FNDC3A: variants seen among roughly 807,000 people sequenced by gnomAD.
FNDC3A encodes fibronectin type III domain containing 3A.
Under a neutral mutation model 148.9 loss-of-function variants are expected in FNDC3A, and 32 were observed. The ratio of observed to expected loss-of-function variants is 0.21; its 90% CI spans 0.16 to 0.29. The LOEUF is 0.29. FNDC3A is among the 10% of genes least tolerant of loss of function. The pLI is 1.00. For missense variants in FNDC3A, 1,191 were observed against 1,452.8 expected, an observed-to-expected ratio of 0.82 and a Z score of 2.93; for synonymous variants, 472 against 473.6, an observed-to-expected ratio of 1.00 and a Z score of 0.04.
intron 4 of FNDC3A, among the ~76,000 whole-genome samples, chr13:49,127,522 T>C (rs558359835): frequency 1.3e-5 from 2 of 152,356 alleles, no homozygotes; most frequent in South Asian, 4.1e-4. Flanking sequence ...GTCTTCCTCT[T>C]GTTTGACCTA....
At chr13:49,084,071 G>C (rs1405948642) in intron 3 of FNDC3A, among the ~76,000 whole-genome samples, 1 of 152,176 alleles carries the variant, frequency 6.6e-6, no homozygotes, top group East Asian at 1.9e-4. Flanking sequence ...CCTATAAATA[G>C]TATATCAACT....
intron 2 of FNDC3A, among the ~76,000 whole-genome samples, chr13:49,041,826 A>AG (rs1403326066): frequency 1.3e-5 from 2 of 151,964 alleles, no homozygotes; most frequent in African/African-American, 4.8e-5. Context: ...AAAAAAAAAA[A>AG]AAAAGAAAAG....
At chr13:49,189,164 AT>A (rs796199280) in intron 17 of FNDC3A, among the ~76,000 whole-genome samples, 401 of 108,352 alleles carry the variant, frequency 3.7e-3, no homozygotes, top group Middle Eastern at 0.012. Context: ...TTAATGAGTG[AT>A]TTTTTTTTTT....
At chr13:49,093,429 G>A (rs116328955) in intron 3 of FNDC3A, among the ~76,000 whole-genome samples, 51 of 152,212 alleles carry the variant, frequency 3.4e-4, no homozygotes, top group African/African-American at 1.2e-3. Context: ...GTTATCGAAC[G>A]ATCCCTGTAC....
chr13:49,113,155 C>T (rs750283886), intron 3 of FNDC3A, among the ~76,000 whole-genome samples: 1 of 150,926 alleles, frequency 6.6e-6, no homozygotes, highest in Non-Finnish European at 1.5e-5. Context: ...CTTCACTCTC[C>T]TTTACTGCCT....
chr13:49,205,226 T>C (rs186713089), intron 25 of FNDC3A, among the ~76,000 whole-genome samples: 3 of 152,298 alleles, frequency 2.0e-5, no homozygotes, highest in Non-Finnish European at 4.4e-5. Context: ...CCTCATGCCA[T>C]TTGTTGAGGT....
At chr13:49,201,315 G>A in intron 23 of FNDC3A, 1 of 160,204 alleles carries the variant, frequency 6.2e-6, no homozygotes, top group Non-Finnish European at 1.4e-5. Flanking sequence ...ATCTGCCTGG[G>A]AATTGAGAAT....
At chr13:48,999,060 C>G (rs894022694) in intron 1 of FNDC3A, among the ~76,000 whole-genome samples, 4 of 152,218 alleles carry the variant, frequency 2.6e-5, no homozygotes, top group Admixed American at 1.3e-4. Context: ...CTGCTTCCAC[C>G]TCAGCTTTAA....
At chr13:49,110,777 A>T (rs1032605005) in intron 3 of FNDC3A, among the ~76,000 whole-genome samples, 19 of 151,712 alleles carry the variant, frequency 1.3e-4, no homozygotes, top group East Asian at 5.8e-4. Flanking sequence ...AATTTTATTT[A>T]AAAAAAACCT....
chr13:49,097,926 A>C (rs191660619), intron 3 of FNDC3A, among the ~76,000 whole-genome samples: 4 of 152,106 alleles, frequency 2.6e-5, no homozygotes, highest in Admixed American at 2.0e-4. Flanking sequence ...TAGTGCTCCA[A>C]ATCTGAATCA....
rs1171445745 is a variant in FNDC3A, at chr13:49,111,587, G to A, written c.176-3068G>A. Reference sequence around the variant, plus strand: ...CTAAAAATACAAAAATTAGCCGGGCGTGGTGGCACATGCATGTAATCCCAG... The same window carrying A: ...CTAAAAATACAAAAATTAGCCGGGCATGGTGGCACATGCATGTAATCCCAG... On this transcript the variant is annotated intron_variant, in intron 3 of 25. Transcript: ENST00000492622. Among the ~76,000 whole-genome samples, 6 of 152,052 alleles carry A rather than the reference G, an allele frequency of 3.9e-5. No individual in the cohort carries two copies. The East Asian group carries it at 9.7e-4, about 25-fold the overall frequency.
rs1886761454 is a variant in FNDC3A, at chr13:49,208,651, A to G, written c.*1256A>G. On this transcript the variant is annotated 3_prime_UTR_variant, in exon 26 of 26. Coordinates refer to ENST00000492622, the MANE Select transcript of FNDC3A (RefSeq NM_001079673.2). ...CAGACTGAATTTTGTCAAGTATCACATTGTACATCTTGCCTAGATGTCGAT... is the reference window on the plus strand; with the variant it reads ...CAGACTGAATTTTGTCAAGTATCACGTTGTACATCTTGCCTAGATGTCGAT... 6.6e-6 allele frequency: 1 copy of G among 152,654 alleles called. No individual in the cohort carries two copies. The highest frequency in any genetic ancestry group is 6.5e-5 in the Admixed American group (1 of 15,284). The allele number at this position is 152,654 out of a possible 1,614,324, so 9.5% of individuals were successfully genotyped here. A position where few individuals can be genotyped will look rare whatever the true frequency, so the allele number is the denominator to read the frequency against.
In FNDC3A at chr13:49,196,938, A is replaced by G. The variant is rs200238488; in HGVS notation, c.2288A>G (p.Lys763Arg). 167 of 1,612,748 alleles carry G rather than the reference A, an allele frequency of 1.0e-4. 1 individual carries two copies. Among genetic ancestry groups the G allele is most frequent in the Non-Finnish European group, 1.3e-4 (157 of 1,179,600 alleles). Residue 763 changes from lysine to arginine, a missense_variant, in exon 20 of 26, where the codon AAG becomes AGG. Physicochemically the swap from Lys to Arg is conservative, Grantham distance 26 (BLOSUM62 2). Around this residue, in one of 3 missense-constraint regions of FNDC3A, gnomAD observed 751 missense variants for 944.0 expected, o/e 0.80. Transcript: ENST00000492622. ...GCCCCTGGGCCACCAGATCAGTGCA[A>G]GCCCCCTCAAGTGACATGTAGATCT... ...TTAPGPPDQC[K>R]PPQVTCRSAT...
chr13:49,206,904 A>G (rs1330729128), intron 25 of FNDC3A, among the ~76,000 whole-genome samples, 177 bp from the exon 26 acceptor site: 3 of 152,180 alleles, frequency 2.0e-5, no homozygotes, highest in Admixed American at 6.5e-5. Context: ...TCTTGCCCCT[A>G]TGCAACAAAC....
At chr13:49,028,482 C>T (rs550504481) in intron 2 of FNDC3A, among the ~76,000 whole-genome samples, 1 of 152,116 alleles carries the variant, frequency 6.6e-6, no homozygotes, top group South Asian at 2.1e-4. Context: ...TCAAGTGATC[C>T]TCCAACCTCA....
At position 48,983,587 on chromosome 13, in the gene FNDC3A, G is replaced by A. The variant is rs553002349; in HGVS notation, c.-40+7410G>A. On this transcript the variant is annotated intron_variant, in intron 1 of 25. Coordinates refer to ENST00000492622, the MANE Select transcript of FNDC3A (RefSeq NM_001079673.2). Reference sequence around the variant, plus strand: ...GCAGCAGACCAGATTTGGCCCACAGGCTTTAGTTTGCCAACCTCTGCAATG... The same window carrying A: ...GCAGCAGACCAGATTTGGCCCACAGACTTTAGTTTGCCAACCTCTGCAATG... 1.0e-3 allele frequency among the ~76,000 whole-genome samples: 159 copies of A among 152,246 alleles called. 1 individual carries two copies. The highest frequency in any genetic ancestry group is 3.6e-3 in the African/African-American group (148 of 41,530).
At chr13:49,025,815 A>G (rs759687385) in intron 2 of FNDC3A, among the ~76,000 whole-genome samples, 2 of 152,214 alleles carry the variant, frequency 1.3e-5, no homozygotes, top group Non-Finnish European at 1.5e-5. Context: ...TTGTGGAGCA[A>G]TAGGATCCAT....
At chr13:49,189,134 G>A (rs1424888792) in intron 17 of FNDC3A, among the ~76,000 whole-genome samples, 1 of 151,044 alleles carries the variant, frequency 6.6e-6, no homozygotes, top group East Asian at 1.9e-4. Context: ...AAGACATAAT[G>A]TTCTAGGGAT....
At chr13:49,118,739 G>C (rs996516959) in intron 4 of FNDC3A, among the ~76,000 whole-genome samples, 4 of 152,190 alleles carry the variant, frequency 2.6e-5, no homozygotes, top group Admixed American at 2.6e-4. Context: ...AAGCCACCAG[G>C]AAGCTGGAAC....
Sources: gnomAD v4.1 joint callset for allele counts (sites outside exome capture counted in the v4.1 genomes callset) on GRCh38, gnomAD v4.1.1 for gene constraint, gnomAD v4.1.1 regional missense constraint, MANE v1.5 for transcripts, NCBI Gene and HGNC (gene_info 2026-07-23, HGNC 2026-07-21) for gene names.